DCLK2: variants seen among roughly 807,000 people sequenced by gnomAD.
The protein encoded by DCLK2 is doublecortin like kinase 2.
DCLK2 carries 31 observed loss-of-function variants against 78.4 expected under a neutral mutation model. The observed-to-expected ratio is 0.40, with a 90% CI of 0.30 to 0.53. DCLK2 has a LOEUF of 0.53. Ranked by LOEUF, DCLK2 falls within the 20% of genes least tolerant of loss-of-function variation. The pLI is 0.61. For missense variants in DCLK2, 872 were observed against 973.7 expected (o/e 0.90, Z 1.39); for synonymous variants, 407 against 374.9 (o/e 1.09, Z -0.99).
intron 5 of DCLK2, among the ~76,000 whole-genome samples, chr4:150,219,813 C>T (rs1024168179): frequency 1.3e-5 from 2 of 152,206 alleles, no homozygotes; most frequent in Admixed American, 6.5e-5. Flanking sequence ...AAGTATAAAA[C>T]GCATCAGAAC....
At chr4:150,254,919 C>A (rs1580816261) in intron 15 of DCLK2, among the ~76,000 whole-genome samples, 1 of 152,146 alleles carries the variant, frequency 6.6e-6, no homozygotes, top group Non-Finnish European at 1.5e-5. Context: ...CTCAAGTGAT[C>A]CTCCCTCCTT....
At chr4:150,134,616 T>G (rs940642295) in intron 2 of DCLK2, among the ~76,000 whole-genome samples, 224 of 152,328 alleles carry the variant, frequency 1.5e-3, no homozygotes, top group African/African-American at 5.2e-3. Flanking sequence ...TTGCTTATAT[T>G]ACTTTGAAAA....
intron 2 of DCLK2, among the ~76,000 whole-genome samples, chr4:150,105,916 A>G (rs1330591791): frequency 6.6e-6 from 1 of 152,102 alleles, no homozygotes; most frequent in African/African-American, 2.4e-5. Flanking sequence ...TATACTTGCC[A>G]TCAGAAATTG....
chr4:150,248,443 G>A, intron 14 of DCLK2, 58 bp downstream of exon 14: 2 of 1,391,112 alleles, frequency 1.4e-6, no homozygotes, highest in East Asian at 2.3e-5. Flanking sequence ...CAACAGCACG[G>A]TTCCTCACTG....
chr4:150,256,406 C>A lies in DCLK2; in HGVS notation c.*159C>A. The A allele has an allele frequency of 2.0e-6, 2 of 998,790 alleles. No individual in the cohort carries two copies. Among genetic ancestry groups the A allele is most frequent in the Admixed American group, 3.0e-5 (1 of 33,336 alleles). The allele number at this position is 998,790 out of a possible 1,614,324, so 61.9% of individuals were successfully genotyped here. On this transcript the variant is annotated 3_prime_UTR_variant, in exon 16 of 16. Transcript: ENST00000296550. ...GCCTGGGAACCGGAGCCTGGCGTGC[C>A]GGAGCCTGGCCTGGTGCTCTGGGCT...
At chr4:150,136,972 TC>T (rs1469728203) in intron 2 of DCLK2, among the ~76,000 whole-genome samples, 1 of 137,920 alleles carries the variant, frequency 7.3e-6, no homozygotes, top group East Asian at 2.1e-4. Flanking sequence ...TTTTTCTTCT[TC>T]TTCTTCTTTT....
chr4:150,216,634 G>A (rs1331297890), intron 5 of DCLK2, among the ~76,000 whole-genome samples: 5 of 151,942 alleles, frequency 3.3e-5, no homozygotes, highest in South Asian at 2.1e-4. Context: ...GTGAGACTCC[G>A]TCTCAAAAAA....
intron 12 of DCLK2, among the ~76,000 whole-genome samples, chr4:150,246,301 C>T (rs576735694): frequency 3.9e-5 from 6 of 152,270 alleles, no homozygotes; most frequent in Non-Finnish European, 7.4e-5. Flanking sequence ...CCCACCTTGG[C>T]CTCCCAGAGT....
rs1372173495 is a variant in DCLK2, at chr4:150,256,406, C to T, written c.*159C>T. 5 of 998,672 alleles carry T rather than the reference C, an allele frequency of 5.0e-6. No individual in the cohort carries two copies. Among genetic ancestry groups the T allele is most frequent in the South Asian group, 1.8e-5 (1 of 56,246 alleles). The allele number at this position is 998,672 out of a possible 1,614,324, so 61.9% of individuals were successfully genotyped here. The stretch of plus-strand genomic sequence containing the variant: ...GCCTGGGAACCGGAGCCTGGCGTGC[C>T]GGAGCCTGGCCTGGTGCTCTGGGCT... On this transcript the variant is annotated 3_prime_UTR_variant, in exon 16 of 16. Transcript: ENST00000296550.
chr4:150,169,855 A>G (rs9683765), intron 2 of DCLK2, among the ~76,000 whole-genome samples: 45,318 of 152,046 alleles, frequency 0.3, 7,919 homozygotes, highest in Non-Finnish European at 0.4. Flanking sequence ...TATACAGTAC[A>G]CCTAAGTTAG....
chr4:150,217,656 A>G lies in DCLK2; in HGVS notation c.1057-3047A>G, dbSNP rs192140777. Among the ~76,000 whole-genome samples, 293 of 152,338 alleles carry G rather than the reference A, an allele frequency of 1.9e-3. 1 individual carries two copies. The highest frequency in any genetic ancestry group is 6.7e-3 in the African/African-American group (278 of 41,590). ...CTTATCCCTTAAAACAGCACAAGTC[A>G]TTGCTGTAGATTTTACTGAGGAGTG... On this transcript the variant is annotated intron_variant, in intron 5 of 15. Transcript: ENST00000296550.
chr4:150,211,413 A>G (rs909538822), intron 5 of DCLK2, among the ~76,000 whole-genome samples: 7 of 152,088 alleles, frequency 4.6e-5, no homozygotes, highest in Non-Finnish European at 1.0e-4. Flanking sequence ...CTTGGTGGTC[A>G]CACACCAGCC....
chr4:150,142,971 C>T (rs1351810233), intron 2 of DCLK2, among the ~76,000 whole-genome samples: 1 of 152,024 alleles, frequency 6.6e-6, no homozygotes, highest in Non-Finnish European at 1.5e-5. Context: ...TCTGTTATTT[C>T]TGTCTTTATG....
rs142630958 is a variant in DCLK2 at position 150,256,048 on chromosome 4, T to C, written c.2102T>C (p.Ile701Thr). ...ACGGCTCTAGATAAGGAGGGGCAGA[T>C]TTTCTGCAGCAAGCACTGTCAAGAC... ...MNTALDKEGQ[I>T]FCSKHCQDSG... The change falls in exon 16 of 16, where the codon ATT (isoleucine) becomes ACT (threonine). Residue 701 changes from isoleucine to threonine, a missense_variant. This residue lies in a region of DCLK2 where 219 missense variants were observed against 230.1 expected (regional missense o/e 0.95). Coordinates refer to ENST00000296550, the MANE Select transcript of DCLK2 (RefSeq NM_001040260.4). The C allele has an allele frequency of 1.9e-6, 3 of 1,612,096 alleles. No individual in the cohort carries two copies. The highest frequency in any genetic ancestry group is 2.5e-6 in the Non-Finnish European group (3 of 1,179,644).
intron 4 of DCLK2, among the ~76,000 whole-genome samples, chr4:150,203,534 A>G (rs946732447): frequency 3.9e-5 from 6 of 151,978 alleles, no homozygotes; most frequent in African/African-American, 1.5e-4. Context: ...CTAATTCCAT[A>G]ATGTCTTCTA....
intron 2 of DCLK2, among the ~76,000 whole-genome samples, chr4:150,186,108 G>A (rs914348296): frequency 6.6e-6 from 1 of 152,166 alleles, no homozygotes; most frequent in Non-Finnish European, 1.5e-5. Flanking sequence ...GCTTCTGGAA[G>A]AGTTAATTCT....
At chr4:150,175,249 G>A (rs1262248677) in intron 2 of DCLK2, among the ~76,000 whole-genome samples, 1 of 103,922 alleles carries the variant, frequency 9.6e-6, no homozygotes, top group Non-Finnish European at 2.0e-5. Context: ...ATAAAGCTTT[G>A]TTCAGCAAAT....
chr4:150,130,767 G>A (rs1436630375), intron 2 of DCLK2, among the ~76,000 whole-genome samples: 5 of 151,996 alleles, frequency 3.3e-5, no homozygotes, highest in African/African-American at 1.2e-4. Context: ...GACTAGCATG[G>A]CAGAGGATAC....
At chr4:150,110,513 C>T (rs1459743602) in intron 2 of DCLK2, among the ~76,000 whole-genome samples, 1 of 151,542 alleles carries the variant, frequency 6.6e-6, no homozygotes, top group Non-Finnish European at 1.5e-5. Flanking sequence ...GCTTTTAGGA[C>T]ACAGTGGTTT....
Sources: allele counts gnomAD v4.1 joint callset (sites outside exome capture counted in the v4.1 genomes callset), GRCh38; gene constraint gnomAD v4.1.1; regional missense constraint gnomAD v4.1.1; transcripts MANE v1.5; gene names NCBI Gene and HGNC (gene_info 2026-07-23, HGNC 2026-07-21).